TMF1: variants seen among roughly 807,000 people sequenced by gnomAD.
The protein encoded by TMF1 is TATA element modulatory factor 1, also known as TATA element modulatory factor.
In TMF1, 71 loss-of-function variants were observed where a neutral mutation model predicts 126.5. That is an observed-to-expected ratio of 0.56 (90% confidence interval 0.46 to 0.68). TMF1 has a LOEUF of 0.68. TMF1 is among the 30% of genes least tolerant of loss of function. The probability of loss-of-function intolerance (pLI) is 0.00; values close to 1 mark genes in which losing one functional copy is unlikely to be tolerated. For synonymous variants in TMF1, 461 were observed against 430.5 expected (o/e 1.07, Z -0.88); for missense variants, 1,259 against 1,253.2 (o/e 1.00, Z -0.07).
At chr3:69,032,585 A>G (rs1363733546) in intron 10 of TMF1, among the ~76,000 whole-genome samples, 1 of 150,990 alleles carries the variant, frequency 6.6e-6, no homozygotes, top group Non-Finnish European at 1.5e-5. Context: ...AACCTGGGGC[A>G]TGACTGTAAA....
rs76352061 is a variant in TMF1 at position 69,020,446 on chromosome 3, C to G, written c.*2731G>C. On this transcript the variant is annotated 3_prime_UTR_variant, in exon 17 of 17. Coordinates refer to ENST00000398559, the MANE Select transcript of TMF1 (RefSeq NM_007114.3). ...TAATTGTCTATAAATGACCAAACAA[C>G]CTTCCCTTTGTTTACTCATTTTTTT... The G allele has an allele frequency of 6.6e-6, 1 of 152,144 alleles. No homozygotes were observed. Among genetic ancestry groups the G allele is most frequent in the Admixed American group, 6.5e-5 (1 of 15,274 alleles). The allele number at this position is 152,144 out of a possible 1,614,324, so 9.4% of individuals were successfully genotyped here.
intron 2 of TMF1, 45 bp downstream of exon 2, chr3:69,047,312 TC>T (rs2091900646): frequency 6.7e-7 from 1 of 1,499,366 alleles, no homozygotes; most frequent in Non-Finnish European, 8.9e-7. Context: ...AATGATTTAA[TC>T]TCCAAAAAGC....
intron 1 of TMF1, among the ~76,000 whole-genome samples, chr3:69,051,621 G>A (rs1294497392): frequency 1.3e-5 from 2 of 152,136 alleles, no homozygotes; most frequent in South Asian, 4.1e-4. Context: ...CGAGGTTCAG[G>A]TTCGGGAAGG....
chr3:69,043,599 A>T, intron 4 of TMF1, 151 bp downstream of exon 4: 1 of 711,016 alleles, frequency 1.4e-6, no homozygotes, highest in Non-Finnish European at 2.2e-6. Flanking sequence ...GAGCCACCAC[A>T]CGTGGCCAAA....
rs755890716 is a variant in TMF1, at chr3:69,047,615, T to A, written c.1090A>T (p.Thr364Ser). Reference protein sequence around the residue: ...ALVPIIVNSSTPKSKTVESAE... With the variant: ...ALVPIIVNSSSPKSKTVESAE... ...GATTCAACTGTTTTAGACTTTGGAG[T>A]TGAAGAATTAACTATAATAGGCACT... The change falls in exon 2 of 17, where the codon ACT becomes TCT. Residue 364 changes from threonine (T) to serine (S), a missense_variant. By Grantham distance (58) the Thr-to-Ser change is moderately conservative. Transcript: ENST00000398559. 3.1e-6 allele frequency: 5 copies of A among 1,614,060 alleles called. 1 individual carries two copies. The South Asian group carries it at 5.5e-5, about 18-fold the overall frequency.
chr3:69,035,388 G>A (rs1290612595), intron 8 of TMF1: 8 of 382,254 alleles, frequency 2.1e-5, no homozygotes, highest in Non-Finnish European at 3.8e-5. Flanking sequence ...CAATATTGGA[G>A]AAAAGACAGT....
rs778977831 is a variant in TMF1 at position 69,028,258 on chromosome 3, C to T, written c.2632G>A (p.Val878Ile). The change falls in exon 12 of 17, where the codon GTA becomes ATA. Residue 878 changes from valine to isoleucine, a missense_variant. By Grantham distance (29) the Val-to-Ile change is conservative. Coordinates refer to ENST00000398559, the MANE Select transcript of TMF1 (RefSeq NM_007114.3). ...VELENLKDEY[V>I]RTLEETRKEK... ...TTCCTCGTCTCTTCAAGTGTTCTTA[C>T]ATATTCATCTTTTAGGTTTTCCAAT... 55 of 1,613,130 alleles carry T rather than the reference C, an allele frequency of 3.4e-5. No individual in the cohort carries two copies. The highest frequency in any genetic ancestry group is 4.3e-5 in the Non-Finnish European group (51 of 1,179,558).
chr3:69,039,602 C>T lies in TMF1; in HGVS notation c.1776G>A (p.Lys592=). The change falls in exon 6 of 17, where the codon AAG becomes AAA. Residue 592 remains lysine, a synonymous_variant. Transcript: ENST00000398559. ...CTAGCTCTTTAACTTTTTTGTTCAGCTTTGCAACCATATTTTCATTCTCCT... is the reference window on the plus strand; with the variant it reads ...CTAGCTCTTTAACTTTTTTGTTCAGTTTTGCAACCATATTTTCATTCTCCT... ...KDKENENMVA[K]LNKKVKELEE... 2 of 1,613,638 alleles carry T rather than the reference C, an allele frequency of 1.2e-6. No individual in the cohort carries two copies. Among genetic ancestry groups the T allele is most frequent in the Non-Finnish European group, 1.7e-6 (2 of 1,179,876 alleles).
At chr3:69,039,401 T>TA (rs890130216) in intron 6 of TMF1, 150 bp downstream of exon 6, 13 of 925,626 alleles carry the variant, frequency 1.4e-5, no homozygotes, top group African/African-American at 6.9e-5. Context: ...CCCACTCGGC[T>TA]AAAAAATCTT....
chr3:69,046,716 T>C (rs1038890460), intron 2 of TMF1, among the ~76,000 whole-genome samples: 4 of 152,182 alleles, frequency 2.6e-5, no homozygotes, highest in Admixed American at 2.0e-4. Flanking sequence ...AAGCAATCTG[T>C]CCCTCCTAAG....
chr3:69,049,032 T>C (rs2107471252), intron 1 of TMF1: 1 of 155,218 alleles, frequency 6.4e-6, no homozygotes, highest in South Asian at 2.0e-4. Flanking sequence ...GTCAGTTTCA[T>C]ATTAATTTTT....
intron 2 of TMF1, among the ~76,000 whole-genome samples, chr3:69,046,383 A>G (rs748175304): frequency 2.6e-5 from 4 of 152,330 alleles, no homozygotes; most frequent in Middle Eastern, 3.4e-3. Flanking sequence ...AATATCTGAT[A>G]GTAATTAGTG....
chr3:69,022,337 A>G lies in TMF1; in HGVS notation c.*840T>C, dbSNP rs952735515. The G allele has an allele frequency of 1.3e-5, 2 of 152,240 alleles. No individual in the cohort carries two copies. The highest frequency in any genetic ancestry group is 2.4e-5 in the African/African-American group (1 of 41,456). 9.4% of individuals were successfully genotyped at this position (152,240 alleles called of 1,614,324 possible). On this transcript the variant is annotated 3_prime_UTR_variant, in exon 17 of 17. Transcript: ENST00000398559. ...TAATTTTTAAAGAGTAAATTATGTTAAGAACTTTATTATTTTCGATTCATT... is the reference window on the plus strand; with the variant it reads ...TAATTTTTAAAGAGTAAATTATGTTGAGAACTTTATTATTTTCGATTCATT...
Position 69,028,267 on chromosome 3 carries a change from C to A in TMF1, c.2623G>T (p.Asp875Tyr). 6.2e-7 allele frequency: 1 copy of A among 1,613,222 alleles called. No homozygotes were observed. The highest frequency in any genetic ancestry group is 8.5e-7 in the Non-Finnish European group (1 of 1,179,584). Residue 875 changes from aspartate to tyrosine, a missense_variant, in exon 12 of 17, where the codon GAT becomes TAT. Coordinates refer to ENST00000398559, the MANE Select transcript of TMF1 (RefSeq NM_007114.3). Reference sequence around the variant, plus strand: ...TCTTCAAGTGTTCTTACATATTCATCTTTTAGGTTTTCCAATTCAACCTGG... The same window carrying A: ...TCTTCAAGTGTTCTTACATATTCATATTTTAGGTTTTCCAATTCAACCTGG... ...RYQVELENLK[D>Y]EYVRTLEETR...
chr3:69,035,193 G>T, intron 8 of TMF1, 78 bp from the exon 9 acceptor site: 1 of 1,210,012 alleles, frequency 8.3e-7, no homozygotes, highest in Non-Finnish European at 1.2e-6. Flanking sequence ...CATATTTTGT[G>T]TTGTGTCAAC....
Position 69,051,963 on chromosome 3 carries a change from T to C in TMF1, c.124A>G (p.Ile42Val). The C allele has an allele frequency of 6.2e-7, 1 of 1,613,686 alleles. No individual in the cohort carries two copies. The highest frequency in any genetic ancestry group is 8.5e-7 in the Non-Finnish European group (1 of 1,179,790). The change falls in exon 1 of 17, where the codon ATT becomes GTT. Residue 42 changes from isoleucine to valine, a missense_variant. Coordinates refer to ENST00000398559, the MANE Select transcript of TMF1 (RefSeq NM_007114.3). ...CTCTTACCCGGCTCTCCATACGGAATGGTCTCGGCCCAGATGCTCGGCTCC... is the reference window on the plus strand; with the variant it reads ...CTCTTACCCGGCTCTCCATACGGAACGGTCTCGGCCCAGATGCTCGGCTCC... ...EEEPSIWAET[I>V]PYGEPGISSP...
intron 1 of TMF1, among the ~76,000 whole-genome samples, chr3:69,050,177 T>A (rs114445898): frequency 0.021 from 3,200 of 151,524 alleles, 40 homozygotes; most frequent in Non-Finnish European, 0.032. Flanking sequence ...CGAGAATCAC[T>A]TGAGCTCAGG....
At chr3:69,036,890 C>T (rs1282789465) in intron 8 of TMF1, among the ~76,000 whole-genome samples, 1 of 151,882 alleles carries the variant, frequency 6.6e-6, no homozygotes, top group Non-Finnish European at 1.5e-5. Flanking sequence ...AATATGATGC[C>T]AAAAGCACAA....
chr3:69,043,801 T>G lies in TMF1; in HGVS notation c.1527A>C (p.Glu509Asp). The change falls in exon 4 of 17, where the codon GAA becomes GAC. Residue 509 changes from glutamate to aspartate, a missense_variant. Coordinates refer to ENST00000398559, the MANE Select transcript of TMF1 (RefSeq NM_007114.3). ...LKDEFTQRIAEAEKKVQLACK... is the reference protein window; with the variant it reads ...LKDEFTQRIADAEKKVQLACK... ...AGGCTAGTTGAACTTTCTTTTCTGCTTCTGCAATTCTTTGAGTAAACTCAT... is the reference window on the plus strand; with the variant it reads ...AGGCTAGTTGAACTTTCTTTTCTGCGTCTGCAATTCTTTGAGTAAACTCAT... 2 of 1,612,668 alleles carry G rather than the reference T, an allele frequency of 1.2e-6. No homozygotes were observed. The highest frequency in any genetic ancestry group is 1.7e-6 in the Non-Finnish European group (2 of 1,179,334).
Sources: gnomAD v4.1 joint callset for allele counts (sites outside exome capture counted in the v4.1 genomes callset) on GRCh38, gnomAD v4.1.1 for gene constraint, MANE v1.5 for transcripts, NCBI Gene and HGNC (gene_info 2026-07-23, HGNC 2026-07-21) for gene names.